WHRN: variants seen among roughly 807,000 people sequenced by gnomAD.
WHRN encodes the protein CASK-interacting protein CIP98.
A neutral mutation model predicts 68.3 loss-of-function variants in WHRN; 41 were observed. The observed-to-expected ratio is 0.60, with a 90% CI of 0.47 to 0.78. The LOEUF (loss-of-function observed/expected upper bound fraction) is 0.78, where lower values mean the gene tolerates loss of function less well. WHRN is among the 30% of genes least tolerant of loss of function. The pLI, the probability that WHRN is intolerant of heterozygous loss-of-function variation, is 0.00. For synonymous variants in WHRN, 560 were observed against 561.3 expected, an observed-to-expected ratio of 1.00 and a Z score of 0.03; for missense variants, 1,243 against 1,244.7, an observed-to-expected ratio of 1.00 and a Z score of 0.02.
In WHRN at chr9:114,443,275, G is replaced by A. The variant is rs139659165; in HGVS notation, c.964-16862C>T. Among the ~76,000 whole-genome samples, 552 of 152,318 alleles carry A rather than the reference G, an allele frequency of 3.6e-3. 1 individual carries two copies. The highest frequency in any genetic ancestry group is 0.013 in the African/African-American group (527 of 41,552). ...CAAACTCAGTGGTTTAAAACAACAC[G>A]AATTTATTATCTTACAGTTCTGGGG... On this transcript the variant is annotated intron_variant, in intron 3 of 11. Coordinates refer to ENST00000362057, the MANE Select transcript of WHRN (RefSeq NM_015404.4).
intron 3 of WHRN, among the ~76,000 whole-genome samples, chr9:114,457,563 G>A (rs558048939): frequency 1.3e-5 from 2 of 152,226 alleles, no homozygotes; most frequent in African/African-American, 4.8e-5. Context: ...ATCACCCTTA[G>A]AACATTACAT....
chr9:114,417,323 C>T (rs1006121210), intron 7 of WHRN, among the ~76,000 whole-genome samples: 3 of 152,212 alleles, frequency 2.0e-5, no homozygotes, highest in African/African-American at 7.2e-5. Context: ...GTGTCTGGGG[C>T]ATCTCGGTCA....
intron 2 of WHRN, among the ~76,000 whole-genome samples, chr9:114,470,903 A>T (rs1841160588): frequency 6.6e-6 from 1 of 151,192 alleles, no homozygotes; most frequent in Admixed American, 6.6e-5. Flanking sequence ...GCATCTTTGC[A>T]GTCAAGCCCA....
intron 3 of WHRN, among the ~76,000 whole-genome samples, chr9:114,450,270 T>C (rs1443058306): frequency 3.3e-5 from 5 of 151,656 alleles, no homozygotes; most frequent in Non-Finnish European, 2.9e-5. Flanking sequence ...GCTGGAGAGG[T>C]TGCTGCTCTG....
intron 1 of WHRN, among the ~76,000 whole-genome samples, chr9:114,480,689 A>G (rs1564208241): frequency 6.6e-6 from 1 of 152,232 alleles, no homozygotes; most frequent in Non-Finnish European, 1.5e-5. Context: ...GGCTGTTTGA[A>G]TAAATGATAG....
chr9:114,493,348 CTTTT>C (rs796867439), intron 1 of WHRN, among the ~76,000 whole-genome samples: 1 of 75,212 alleles, frequency 1.3e-5, no homozygotes, highest in African/African-American at 5.5e-5. Flanking sequence ...AAGACCCTAT[CTTTT>C]TTTTAAAAAA....
chr9:114,461,046 G>A (rs757309769), intron 3 of WHRN, among the ~76,000 whole-genome samples: 46 of 152,300 alleles, frequency 3.0e-4, no homozygotes, highest in Non-Finnish European at 5.3e-4. Flanking sequence ...GCTTTACTGC[G>A]GAGGGGATTG....
chr9:114,423,543 G>T lies in WHRN; in HGVS notation c.1417-20C>A. ...TGAGAACTGGAGGCGGGGACAAAAG[G>T]GGCACTCAGCAGGGAGCGCTACTAG... On this transcript the variant is annotated intron_variant, in intron 6 of 11. Transcript: ENST00000362057. 1 of 1,596,980 alleles carries T rather than the reference G, an allele frequency of 6.3e-7. No individual in the cohort carries two copies.
chr9:114,471,753 T>C (rs967814155), intron 2 of WHRN, among the ~76,000 whole-genome samples: 6 of 152,240 alleles, frequency 3.9e-5, no homozygotes, highest in African/African-American at 1.2e-4. Flanking sequence ...TAGGTAATTC[T>C]GGGCCAGTTT....
chr9:114,488,629 G>T (rs904424545), intron 1 of WHRN, among the ~76,000 whole-genome samples: 2 of 152,136 alleles, frequency 1.3e-5, no homozygotes, highest in African/African-American at 4.8e-5. Flanking sequence ...CCCCGAGCAG[G>T]TGCTGTGTCC....
rs117286331 is a variant in WHRN at position 114,457,389 on chromosome 9, T to C, written c.963+8878A>G. On this transcript the variant is annotated intron_variant, in intron 3 of 11. Transcript: ENST00000362057. ...GAAGCCAACCTAAAAGCACTTCCTATAGGCAAAGGAGAATAAAATAAGCAT... is the reference window on the plus strand; with the variant it reads ...GAAGCCAACCTAAAAGCACTTCCTACAGGCAAAGGAGAATAAAATAAGCAT... 6.2e-3 allele frequency among the ~76,000 whole-genome samples: 937 copies of C among 152,170 alleles called. 5 individuals are homozygous for C. Among genetic ancestry groups the C allele is most frequent in the Non-Finnish European group, 0.01 (702 of 67,996 alleles).
chr9:114,472,760 TAG>T (rs1841344318), intron 2 of WHRN, among the ~76,000 whole-genome samples: 2 of 152,210 alleles, frequency 1.3e-5, no homozygotes, highest in South Asian at 4.1e-4. Flanking sequence ...TACCAGTACC[TAG>T]TCAGCATTTA....
chr9:114,501,645 C>T (rs944775223), intron 1 of WHRN, among the ~76,000 whole-genome samples: 16 of 151,604 alleles, frequency 1.1e-4, no homozygotes, highest in Admixed American at 2.0e-4. Flanking sequence ...CACCTTCCAT[C>T]GCAGGAAAAA....
intron 3 of WHRN, among the ~76,000 whole-genome samples, chr9:114,460,327 T>G (rs1349075663): frequency 2.0e-5 from 3 of 152,264 alleles, no homozygotes; most frequent in Non-Finnish European, 4.4e-5. Context: ...CAGTTGTTCA[T>G]GTATTAAATG....
intron 1 of WHRN, among the ~76,000 whole-genome samples, chr9:114,486,441 C>A (rs1036169171): frequency 6.6e-6 from 1 of 152,178 alleles, no homozygotes; most frequent in Non-Finnish European, 1.5e-5. Context: ...TTCCTTGAGG[C>A]ACATTACATG....
rs144991872 is a variant in WHRN, at chr9:114,474,615, C to T, written c.837+3938G>A. 1.4e-3 allele frequency among the ~76,000 whole-genome samples: 211 copies of T among 152,326 alleles called. 1 individual carries two copies. Among genetic ancestry groups the T allele is most frequent in the Non-Finnish European group, 2.3e-3 (154 of 68,034 alleles). ...CCCTTCCACTGCCACATGTCCAAAC[C>T]TAAAATGCTGCCTCCTCCAGGAAGC... On this transcript the variant is annotated intron_variant, in intron 2 of 11. Coordinates refer to ENST00000362057, the MANE Select transcript of WHRN (RefSeq NM_015404.4).
At chr9:114,419,060 G>A (rs1383100519) in intron 7 of WHRN, among the ~76,000 whole-genome samples, 3 of 152,148 alleles carry the variant, frequency 2.0e-5, no homozygotes, top group African/African-American at 4.8e-5. Flanking sequence ...GATAGATGAC[G>A]AAATGATGCT....
chr9:114,495,347 T>C (rs1181043073), intron 1 of WHRN, among the ~76,000 whole-genome samples: 1 of 152,132 alleles, frequency 6.6e-6, no homozygotes, highest in East Asian at 1.9e-4. Flanking sequence ...GCCAGGAGGA[T>C]GCTACAGTTC....
At chr9:114,491,799 C>T in intron 1 of WHRN, 1 of 264,566 alleles carries the variant, frequency 3.8e-6, no homozygotes, top group Admixed American at 5.1e-5. Flanking sequence ...GAGCCAGTCC[C>T]ACCATGCCCA....
Sources: gnomAD v4.1 joint callset for allele counts (sites outside exome capture counted in the v4.1 genomes callset) on GRCh38, gnomAD v4.1.1 for gene constraint, MANE v1.5 for transcripts, NCBI Gene and HGNC (gene_info 2026-07-23, HGNC 2026-07-21) for gene names.